CNTNAP2: variants seen among roughly 807,000 people sequenced by gnomAD.
The protein encoded by CNTNAP2 is contactin-associated protein-like 2.
CNTNAP2 carries 98 observed loss-of-function variants against 155.2 expected under a neutral mutation model. The ratio of observed to expected loss-of-function variants is 0.63; its 90% CI spans 0.54 to 0.75. CNTNAP2 has a LOEUF of 0.75. CNTNAP2 is among the 30% of genes least tolerant of loss of function. The pLI is 0.00. For missense variants in CNTNAP2, 1,727 were observed against 1,688.1 expected, an observed-to-expected ratio of 1.02 and a Z score of -0.40; for synonymous variants, 651 against 631.2, an observed-to-expected ratio of 1.03 and a Z score of -0.47.
chr7:147,078,547 T>C (rs907375875), intron 4 of CNTNAP2, among the ~76,000 whole-genome samples: 1 of 152,102 alleles, frequency 6.6e-6, no homozygotes, highest in Non-Finnish European at 1.5e-5. Flanking sequence ...ATCACCTTGG[T>C]ATTCTTTATC....
chr7:147,634,126 G>T (rs542466332), intron 12 of CNTNAP2, among the ~76,000 whole-genome samples: 2 of 152,118 alleles, frequency 1.3e-5, no homozygotes, highest in Non-Finnish European at 2.9e-5. Flanking sequence ...AGGAAAAGAA[G>T]TCATTATATG....
chr7:146,350,027 T>C (rs974133342), intron 1 of CNTNAP2, among the ~76,000 whole-genome samples: 43 of 152,290 alleles, frequency 2.8e-4, no homozygotes, highest in African/African-American at 9.6e-4. Flanking sequence ...CCTTGCTAGA[T>C]TGGGGAAGTT....
At chr7:147,213,255 C>T (rs951606256) in intron 8 of CNTNAP2, among the ~76,000 whole-genome samples, 1 of 152,184 alleles carries the variant, frequency 6.6e-6, no homozygotes, top group Admixed American at 6.5e-5. Context: ...TTCACCCTCT[C>T]TTCGTCTCTT....
intron 8 of CNTNAP2, among the ~76,000 whole-genome samples, chr7:147,242,540 C>A (rs1803961373): frequency 6.6e-6 from 1 of 152,082 alleles, no homozygotes; most frequent in African/African-American, 2.4e-5. Context: ...GATTCTCTAG[C>A]CTTTCCCTTT....
chr7:147,166,684 C>A (rs1010421061), intron 8 of CNTNAP2, among the ~76,000 whole-genome samples: 1 of 151,486 alleles, frequency 6.6e-6, no homozygotes, highest in African/African-American at 2.4e-5. Flanking sequence ...GGGGTGGGGC[C>A]ATTTTATAGG....
At chr7:147,915,022 A>G (rs779660032) in intron 14 of CNTNAP2, among the ~76,000 whole-genome samples, 7 of 152,214 alleles carry the variant, frequency 4.6e-5, no homozygotes, top group Non-Finnish European at 1.0e-4. Flanking sequence ...TTTTGCCATG[A>G]ACACATTTAA....
chr7:147,590,229 T>C (rs548211484), intron 12 of CNTNAP2, among the ~76,000 whole-genome samples: 36 of 152,172 alleles, frequency 2.4e-4, no homozygotes, highest in Non-Finnish European at 4.0e-4. Flanking sequence ...TTTAAAAAAA[T>C]TATTGATAGC....
chr7:146,561,296 A>T (rs748113719), intron 1 of CNTNAP2, among the ~76,000 whole-genome samples: 2 of 152,180 alleles, frequency 1.3e-5, no homozygotes, highest in Non-Finnish European at 2.9e-5. Context: ...ACTGGCCAGC[A>T]TATATAAAAG....
chr7:147,796,156 TA>T (rs750561849), intron 13 of CNTNAP2, among the ~76,000 whole-genome samples: 6 of 152,194 alleles, frequency 3.9e-5, no homozygotes, highest in Non-Finnish European at 7.4e-5. Flanking sequence ...CTCATGAGAA[TA>T]AAAGCTTTAT....
intron 9 of CNTNAP2, among the ~76,000 whole-genome samples, chr7:147,327,712 G>C (rs1016218144): frequency 2.6e-5 from 4 of 152,008 alleles, no homozygotes; most frequent in Non-Finnish European, 5.9e-5. Context: ...ACATATAGTT[G>C]AGCACTTTAA....
chr7:148,385,840 C>T (rs567308462), intron 22 of CNTNAP2, among the ~76,000 whole-genome samples: 17 of 146,174 alleles, frequency 1.2e-4, no homozygotes, highest in Admixed American at 2.8e-4. Context: ...TGGGTTTAAG[C>T]GATTCTCCTG....
At chr7:147,259,949 C>T (rs1394726215) in intron 8 of CNTNAP2, among the ~76,000 whole-genome samples, 1 of 152,166 alleles carries the variant, frequency 6.6e-6, no homozygotes, top group African/African-American at 2.4e-5. Context: ...ATAGCTGTAA[C>T]TGAGTACATT....
chr7:147,579,722 C>T (rs1800463446), intron 12 of CNTNAP2, among the ~76,000 whole-genome samples: 1 of 152,048 alleles, frequency 6.6e-6, no homozygotes, highest in Non-Finnish European at 1.5e-5. Context: ...CAACAATTTC[C>T]ATGAAAGGTT....
chr7:146,947,433 TACAC>T, intron 3 of CNTNAP2, among the ~76,000 whole-genome samples: 1 of 137,604 alleles, frequency 7.3e-6, no homozygotes, highest in Admixed American at 7.5e-5. Flanking sequence ...TATATATACA[TACAC>T]ACACACACAC....
chr7:147,260,939 G>C (rs745987639), intron 8 of CNTNAP2, among the ~76,000 whole-genome samples: 3 of 152,154 alleles, frequency 2.0e-5, no homozygotes, highest in Non-Finnish European at 4.4e-5. Flanking sequence ...AACAATCAGC[G>C]TTATAATATG....
intron 7 of CNTNAP2, among the ~76,000 whole-genome samples, chr7:147,131,056 GTA>G (rs776833588): frequency 2.8e-5 from 4 of 145,376 alleles, no homozygotes; most frequent in African/African-American, 5.3e-5. Flanking sequence ...ATATATATGT[GTA>G]TATATATGTG....
chr7:147,836,304 G>T (rs1227694930), intron 13 of CNTNAP2, among the ~76,000 whole-genome samples: 3 of 152,046 alleles, frequency 2.0e-5, no homozygotes, highest in East Asian at 1.9e-4. Flanking sequence ...TATATAAAAG[G>T]CTCTGTCTAC....
chr7:146,968,398 C>T (rs1272015171), intron 3 of CNTNAP2, among the ~76,000 whole-genome samples: 1 of 150,464 alleles, frequency 6.6e-6, no homozygotes, highest in Non-Finnish European at 1.5e-5. Context: ...CCAGTTCCTC[C>T]TTGTACCTCT....
intron 18 of CNTNAP2, among the ~76,000 whole-genome samples, chr7:148,212,176 TTTGG>T (rs1449492216): frequency 6.6e-6 from 1 of 151,862 alleles, no homozygotes; most frequent in Non-Finnish European, 1.5e-5. Flanking sequence ...GCCTCGGGGA[TTTGG>T]TTAAACAAGG....
Sources: gnomAD v4.1 joint callset for allele counts (sites outside exome capture counted in the v4.1 genomes callset) on GRCh38, gnomAD v4.1.1 for gene constraint, MANE v1.5 for transcripts, NCBI Gene and HGNC (gene_info 2026-07-23, HGNC 2026-07-21) for gene names.